Variants in CNTNAP5 observed in about 807,000 individuals in gnomAD.
The protein encoded by CNTNAP5 is contactin associated protein family member 5, also known as contactin-associated protein-like 5.
A neutral mutation model predicts 150.2 loss-of-function variants in CNTNAP5; 72 were observed. The ratio of observed to expected loss-of-function variants is 0.48; its 90% CI spans 0.40 to 0.58. CNTNAP5 has a LOEUF of 0.58. CNTNAP5 is among the 20% of genes least tolerant of loss of function. The pLI, the probability that CNTNAP5 is intolerant of heterozygous loss-of-function variation, is 0.00. For missense variants in CNTNAP5, 1,636 were observed against 1,626.2 expected, an observed-to-expected ratio of 1.01 and a Z score of -0.10; for synonymous variants, 672 against 619.8, an observed-to-expected ratio of 1.08 and a Z score of -1.25.
rs535733001 is a variant in CNTNAP5 at position 124,641,118 on chromosome 2, C to T, written c.1877-6640C>T. Among the ~76,000 whole-genome samples the T allele has an allele frequency of 1.3e-4, 13 of 102,946 alleles. No individual in the cohort carries two copies. In the East Asian group the frequency reaches 4.0e-3, roughly 32 times the overall value. 67.5% of individuals were successfully genotyped at this position (102,946 alleles called of 152,430 possible). ...TCCAGACTGGGCAACAAGAGCGAAA[C>T]TCCATCTCAAAAAAAAAAAAAAAAA... On this transcript the variant is annotated intron_variant, in intron 12 of 23. Transcript: ENST00000682447.
At chr2:124,898,359 A>G (rs1368043135) in intron 21 of CNTNAP5, among the ~76,000 whole-genome samples, 3 of 151,382 alleles carry the variant, frequency 2.0e-5, no homozygotes, top group Non-Finnish European at 4.4e-5. Flanking sequence ...TGTTTCTTTC[A>G]TATAAAAAAA....
At chr2:124,646,319 C>T (rs1304444574) in intron 12 of CNTNAP5, among the ~76,000 whole-genome samples, 1 of 152,178 alleles carries the variant, frequency 6.6e-6, no homozygotes, top group African/African-American at 2.4e-5. Context: ...AACTGCTGTG[C>T]TTCTGCCTTG....
chr2:124,114,661 AGT>A (rs1308807458), intron 1 of CNTNAP5, among the ~76,000 whole-genome samples: 1 of 151,810 alleles, frequency 6.6e-6, no homozygotes, highest in African/African-American at 2.4e-5. Context: ...GCTCAGTAGA[AGT>A]AAGAATTATA....
chr2:124,653,043 A>G (rs938704905), intron 13 of CNTNAP5, among the ~76,000 whole-genome samples: 1 of 152,214 alleles, frequency 6.6e-6, no homozygotes, highest in African/African-American at 2.4e-5. Flanking sequence ...TGGAAGCAAG[A>G]TTGCCGTGAG....
chr2:124,646,600 T>G (rs1445936808), intron 12 of CNTNAP5, among the ~76,000 whole-genome samples: 1 of 152,238 alleles, frequency 6.6e-6, no homozygotes, highest in Non-Finnish European at 1.5e-5. Context: ...TTGCTGTATT[T>G]GAGAGGATGT....
chr2:124,486,547 C>T (rs937234424), intron 7 of CNTNAP5, among the ~76,000 whole-genome samples: 20 of 152,192 alleles, frequency 1.3e-4, no homozygotes, highest in Admixed American at 2.6e-4. Flanking sequence ...CTGCCAATCT[C>T]TTTTCTTCTT....
intron 19 of CNTNAP5, among the ~76,000 whole-genome samples, chr2:124,831,843 T>C (rs1412408571): frequency 6.6e-6 from 1 of 151,990 alleles, no homozygotes. Context: ...CTAGATTACT[T>C]ATGAAAACTG....
At chr2:124,137,643 G>C (rs1032939925) in intron 1 of CNTNAP5, among the ~76,000 whole-genome samples, 2 of 152,094 alleles carry the variant, frequency 1.3e-5, no homozygotes, top group Non-Finnish European at 2.9e-5. Context: ...AATACTAAGG[G>C]GCTTACATTC....
intron 3 of CNTNAP5, among the ~76,000 whole-genome samples, chr2:124,356,883 C>A (rs1573937902): frequency 1.3e-5 from 2 of 151,764 alleles, no homozygotes; most frequent in African/African-American, 2.4e-5. Flanking sequence ...AATCGCCACA[C>A]TGACTTCCAC....
At chr2:124,474,626 G>A in intron 6 of CNTNAP5, 113 bp from the exon 7 acceptor site, 1 of 784,220 alleles carries the variant, frequency 1.3e-6, no homozygotes, top group Admixed American at 3.5e-5. Context: ...AATTATTTGA[G>A]CCATTTGGCT....
At chr2:124,693,480 A>G (rs902358238) in intron 13 of CNTNAP5, among the ~76,000 whole-genome samples, 4 of 152,166 alleles carry the variant, frequency 2.6e-5, no homozygotes, top group African/African-American at 9.6e-5. Context: ...CAGAGGTGTT[A>G]ACAGTCAGAC....
chr2:124,643,555 C>G (rs560215106), intron 12 of CNTNAP5, among the ~76,000 whole-genome samples: 2 of 152,228 alleles, frequency 1.3e-5, no homozygotes, highest in South Asian at 4.1e-4. Flanking sequence ...TACAAGAAAT[C>G]ACAGTCCATC....
At chr2:124,417,684 T>A in intron 4 of CNTNAP5, 94 bp downstream of exon 4, 1 of 1,238,426 alleles carries the variant, frequency 8.1e-7, no homozygotes, top group Non-Finnish European at 1.1e-6. Flanking sequence ...ACAATCATCT[T>A]ATTTTAAAGT....
At chr2:124,599,856 T>C (rs781369482) in intron 11 of CNTNAP5, among the ~76,000 whole-genome samples, 5 of 152,004 alleles carry the variant, frequency 3.3e-5, no homozygotes, top group Non-Finnish European at 7.3e-5. Flanking sequence ...CTTAAATACT[T>C]TTCCTATTTT....
chr2:124,251,199 A>C (rs1687165083), intron 3 of CNTNAP5, among the ~76,000 whole-genome samples: 1 of 152,068 alleles, frequency 6.6e-6, no homozygotes, highest in Non-Finnish European at 1.5e-5. Context: ...AACACCCTAG[A>C]CTTGTCTTGA....
chr2:124,193,169 C>T (rs1685499350), intron 1 of CNTNAP5, among the ~76,000 whole-genome samples: 1 of 152,170 alleles, frequency 6.6e-6, no homozygotes, highest in South Asian at 2.1e-4. Flanking sequence ...TGGATAAAGG[C>T]CCACCTTCCT....
intron 3 of CNTNAP5, among the ~76,000 whole-genome samples, chr2:124,394,481 C>T (rs1020305496): frequency 6.6e-6 from 1 of 151,886 alleles, no homozygotes; most frequent in Non-Finnish European, 1.5e-5. Context: ...CATCCCTGGA[C>T]ATCCCTGGAC....
At chr2:124,303,705 A>G (rs1189080414) in intron 3 of CNTNAP5, among the ~76,000 whole-genome samples, 1 of 152,168 alleles carries the variant, frequency 6.6e-6, no homozygotes, top group Admixed American at 6.5e-5. Flanking sequence ...GCATGACCTA[A>G]CTCACCTTCT....
At position 124,570,384 on chromosome 2, in the gene CNTNAP5, C is replaced by T. The variant is rs147947849; in HGVS notation, c.1756+7061C>T. On this transcript the variant is annotated intron_variant, in intron 11 of 23. Transcript: ENST00000682447. ...CTCCATGAGCAAAGGCAAAGTGACA[C>T]GAATGTCAAACAACAAAGTGGGGGC... 3.0e-3 allele frequency among the ~76,000 whole-genome samples: 463 copies of T among 152,028 alleles called. 4 individuals are homozygous for T. The highest frequency in any genetic ancestry group is 0.01 in the African/African-American group (433 of 41,450).
Sources: allele counts gnomAD v4.1 joint callset (sites outside exome capture counted in the v4.1 genomes callset), GRCh38; gene constraint gnomAD v4.1.1; transcripts MANE v1.5; gene names NCBI Gene and HGNC (gene_info 2026-07-23, HGNC 2026-07-21).